Variants in CSMD3 observed in about 807,000 individuals in gnomAD.
CSMD3 encodes the protein CUB and Sushi multiple domains 3.
A neutral mutation model predicts 435.2 loss-of-function variants in CSMD3; 177 were observed. The ratio of observed to expected loss-of-function variants is 0.41; its 90% CI spans 0.36 to 0.46. The LOEUF (loss-of-function observed/expected upper bound fraction) is 0.46, where lower values mean the gene tolerates loss of function less well. Among genes scored for constraint, CSMD3 ranks in the 20% least tolerant of loss-of-function variants. CSMD3 has a pLI of 0.34. For missense variants in CSMD3, 4,265 were observed against 4,504.6 expected (o/e 0.95, Z 1.52); for synonymous variants, 1,656 against 1,520.5 (o/e 1.09, Z -2.07).
Position 113,377,111 on chromosome 8 carries a change from G to A in CSMD3, c.178+59566C>T, listed in dbSNP as rs992776351. 8.7e-6 allele frequency: 11 copies of A among 1,266,016 alleles called. No homozygotes were observed. In the Admixed American group the frequency reaches 1.6e-4, roughly 18 times the overall value. 78.4% of individuals were successfully genotyped at this position (1,266,016 alleles called of 1,614,324 possible). On this transcript the variant is annotated intron_variant, in intron 1 of 70. Coordinates refer to ENST00000297405, the MANE Select transcript of CSMD3 (RefSeq NM_198123.2). ...GCGCTGGACTCCCCCAAGGGCTGCGGCGTCGTCCGGCTCTCCGGTCCTCCA... is the reference window on the plus strand; with the variant it reads ...GCGCTGGACTCCCCCAAGGGCTGCGACGTCGTCCGGCTCTCCGGTCCTCCA...
intron 12 of CSMD3, among the ~76,000 whole-genome samples, chr8:112,829,365 G>A (rs995805661): frequency 1.3e-5 from 2 of 152,076 alleles, no homozygotes; most frequent in Non-Finnish European, 2.9e-5. Context: ...AGATGAGCAG[G>A]CCCTCACCAG....
At chr8:113,405,830 T>C (rs2094530260) in intron 1 of CSMD3, among the ~76,000 whole-genome samples, 1 of 151,816 alleles carries the variant, frequency 6.6e-6, no homozygotes, top group Non-Finnish European at 1.5e-5. Flanking sequence ...TATAGTATAA[T>C]GTAAATGCAT....
intron 1 of CSMD3, among the ~76,000 whole-genome samples, chr8:113,320,046 A>G (rs747745009): frequency 1.3e-5 from 2 of 152,082 alleles, no homozygotes; most frequent in African/African-American, 4.8e-5. Context: ...AATCTAAAAC[A>G]TGAGATAGCA....
At chr8:113,354,048 A>G (rs2132932567) in intron 1 of CSMD3, among the ~76,000 whole-genome samples, 1 of 152,260 alleles carries the variant, frequency 6.6e-6, no homozygotes, top group East Asian at 1.9e-4. Flanking sequence ...ATAAATATGC[A>G]TAGACTATTC....
intron 1 of CSMD3, among the ~76,000 whole-genome samples, chr8:113,385,978 C>A (rs1215273632): frequency 6.6e-6 from 1 of 151,830 alleles, no homozygotes; most frequent in East Asian, 1.9e-4. Context: ...TCATGTTTTT[C>A]TTTTAGACAT....
intron 38 of CSMD3, among the ~76,000 whole-genome samples, chr8:112,366,470 G>A (rs761449496): frequency 3.9e-5 from 6 of 152,044 alleles, no homozygotes; most frequent in East Asian, 1.9e-4. Context: ...CAATCTCGGC[G>A]CACTGCAACC....
chr8:113,275,145 C>A (rs2093560279), intron 3 of CSMD3, among the ~76,000 whole-genome samples: 1 of 151,954 alleles, frequency 6.6e-6, no homozygotes, highest in African/African-American at 2.4e-5. Context: ...CTATTCTAGG[C>A]ACTCTATATT....
chr8:112,621,473 A>G (rs1834067576), intron 22 of CSMD3, among the ~76,000 whole-genome samples: 1 of 152,198 alleles, frequency 6.6e-6, no homozygotes, highest in African/African-American at 2.4e-5. Flanking sequence ...AGAGTTGTCT[A>G]GATTCACTGT....
chr8:113,156,775 A>C (rs112848054), intron 4 of CSMD3, among the ~76,000 whole-genome samples: 13,499 of 145,152 alleles, frequency 0.093, 726 homozygotes, highest in Middle Eastern at 0.14. Context: ...TAAATAAATA[A>C]ATAAAGTTAG....
At chr8:113,154,620 T>C (rs878862249) in intron 4 of CSMD3, among the ~76,000 whole-genome samples, 1 of 151,920 alleles carries the variant, frequency 6.6e-6, no homozygotes, top group Admixed American at 6.6e-5. Context: ...ATGAATATAG[T>C]GAATAACAGA....
At chr8:113,122,192 T>C (rs1168208904) in intron 4 of CSMD3, among the ~76,000 whole-genome samples, 1 of 152,174 alleles carries the variant, frequency 6.6e-6, no homozygotes, top group Non-Finnish European at 1.5e-5. Flanking sequence ...TGAGCATATA[T>C]GCTATGCAAA....
At chr8:112,606,969 TATG>T (rs1411736895) in intron 22 of CSMD3, among the ~76,000 whole-genome samples, 340 of 21,460 alleles carry the variant, frequency 0.016, 5 homozygotes, top group South Asian at 0.15. Context: ...CCCCTCAAGC[TATG>T]AAAAAAAAAA....
At chr8:112,500,454 T>C (rs774496076) in intron 30 of CSMD3, among the ~76,000 whole-genome samples, 12 of 152,156 alleles carry the variant, frequency 7.9e-5, no homozygotes, top group Non-Finnish European at 1.8e-4. Flanking sequence ...AAATAGATGA[T>C]CCTATCTTAT....
At chr8:112,598,674 T>C (rs1170734398) in intron 22 of CSMD3, among the ~76,000 whole-genome samples, 332 of 149,350 alleles carry the variant, frequency 2.2e-3, no homozygotes, top group African/African-American at 7.8e-3. Context: ...AACAGAGATA[T>C]AGATCAATGG....
intron 4 of CSMD3, among the ~76,000 whole-genome samples, chr8:113,134,942 G>A (rs2091378052): frequency 6.6e-6 from 1 of 151,956 alleles, no homozygotes; most frequent in South Asian, 2.1e-4. Context: ...CAAACATGAG[G>A]AGGAATCTCA....
At chr8:112,574,362 G>T (rs1204689584) in intron 23 of CSMD3, among the ~76,000 whole-genome samples, 1 of 151,832 alleles carries the variant, frequency 6.6e-6, no homozygotes, top group Non-Finnish European at 1.5e-5. Flanking sequence ...ATCATAACTT[G>T]CTCTACCGTT....
chr8:113,083,186 G>C (rs543096645), intron 5 of CSMD3, among the ~76,000 whole-genome samples: 25 of 151,964 alleles, frequency 1.6e-4, no homozygotes, highest in Non-Finnish European at 3.1e-4. Context: ...TCTCTTCAAG[G>C]CACACTATAT....
At chr8:112,948,206 GT>G (rs2083682521) in intron 8 of CSMD3, among the ~76,000 whole-genome samples, 1 of 151,916 alleles carries the variant, frequency 6.6e-6, no homozygotes, top group Admixed American at 6.6e-5. Flanking sequence ...AGTGTCCAGA[GT>G]TTCCATTAAT....
chr8:112,626,961 C>T (rs1208908984), intron 22 of CSMD3, among the ~76,000 whole-genome samples: 1 of 152,090 alleles, frequency 6.6e-6, no homozygotes, highest in Non-Finnish European at 1.5e-5. Context: ...CTCCCTGTGT[C>T]TCAGGGCCCT....
Sources: gnomAD v4.1 joint callset for allele counts (sites outside exome capture counted in the v4.1 genomes callset) on GRCh38, gnomAD v4.1.1 for gene constraint, MANE v1.5 for transcripts, NCBI Gene and HGNC (gene_info 2026-07-23, HGNC 2026-07-21) for gene names.